DNAH10: variants seen among roughly 807,000 people sequenced by gnomAD.
The protein encoded by DNAH10 is axonemal beta dynein heavy chain 10.
In DNAH10, 348 loss-of-function variants were observed where a neutral mutation model predicts 506.6. The ratio of observed to expected loss-of-function variants is 0.69; its 90% CI spans 0.63 to 0.75. DNAH10 has a LOEUF of 0.75. DNAH10 is among the 30% of genes least tolerant of loss of function. The pLI is 0.00. For synonymous variants in DNAH10, 2,059 were observed against 2,198.6 expected, an observed-to-expected ratio of 0.94 and a Z score of 1.78; for missense variants, 5,179 against 5,787.1, an observed-to-expected ratio of 0.89 and a Z score of 3.41.
chr12:123,844,066 G>A (rs550395724), intron 30 of DNAH10, among the ~76,000 whole-genome samples: 1 of 152,296 alleles, frequency 6.6e-6, no homozygotes, highest in East Asian at 1.9e-4. Context: ...CATGGCTGGG[G>A]AGGCCTCAGG....
At chr12:123,772,767 A>C (rs1268944826) in intron 3 of DNAH10, 67 bp from the exon 4 acceptor site, 7 of 1,209,214 alleles carry the variant, frequency 5.8e-6, no homozygotes, top group Non-Finnish European at 8.3e-6. Context: ...GGTGTACTTG[A>C]ATATTAGGTT....
intron 47 of DNAH10, among the ~76,000 whole-genome samples, chr12:123,877,101 C>T (rs1400916263): frequency 6.6e-6 from 1 of 152,156 alleles, no homozygotes; most frequent in African/African-American, 2.4e-5. Context: ...GGAAGGAAAC[C>T]CACACACATT....
intron 65 of DNAH10, among the ~76,000 whole-genome samples, chr12:123,922,448 C>A (rs1050692699): frequency 2.0e-5 from 3 of 152,102 alleles, no homozygotes; most frequent in African/African-American, 7.2e-5. Flanking sequence ...GTAGAGTGAC[C>A]TTTAGGAAGC....
rs141670372 is a variant in DNAH10, at chr12:123,832,077, A to G, written c.4546-1037A>G. On this transcript the variant is annotated intron_variant, in intron 26 of 78. Coordinates refer to ENST00000673944, the MANE Select transcript of DNAH10 (RefSeq NM_001372106.1). ...ATGCATGTAGACACATATGCATGCA[A>G]ACACACAAAATATACATACAGTGTG... 6.4e-4 allele frequency among the ~76,000 whole-genome samples: 97 copies of G among 152,298 alleles called. 1 individual carries two copies. Among genetic ancestry groups the G allele is most frequent in the African/African-American group, 1.6e-3 (67 of 41,542 alleles).
In DNAH10 at chr12:123,909,590, G is replaced by A. The variant is rs1470870200; in HGVS notation, c.9997+148G>A. The A allele has an allele frequency of 3.7e-6, 4 of 1,086,664 alleles. No homozygotes were observed. Among genetic ancestry groups the A allele is most frequent in the African/African-American group, 1.6e-5 (1 of 62,372 alleles). The allele number at this position is 1,086,664 out of a possible 1,614,324, so 67.3% of individuals were successfully genotyped here. A position where few individuals can be genotyped will look rare whatever the true frequency, so the allele number is the denominator to read the frequency against. On this transcript the variant is annotated intron_variant, in intron 58 of 78. Transcript: ENST00000673944. The surrounding 1 kb of genome is among the most constrained non-coding windows in gnomAD (Gnocchi z 5.4). The stretch of plus-strand genomic sequence containing the variant: ...TATCGGATGGAACAGGCAACTGATG[G>A]TCACCAGAGGAAAACAGCAGCCCCA...
At chr12:123,867,215 C>T (rs558708080) in intron 41 of DNAH10, among the ~76,000 whole-genome samples, 42 of 152,254 alleles carry the variant, frequency 2.8e-4, no homozygotes, top group African/African-American at 9.4e-4. Context: ...GTTATCTTCC[C>T]TTTTTCTTCC....
At position 123,898,757 on chromosome 12, in the gene DNAH10, G is replaced by A. The variant is rs1240032050; in HGVS notation, c.9583G>A (p.Glu3195Lys). 1.2e-6 allele frequency: 2 copies of A among 1,612,388 alleles called. No individual in the cohort carries two copies. The change falls in exon 56 of 79, where the codon GAG (glutamate) becomes AAG (lysine). Residue 3195 changes from glutamate to lysine, a missense_variant. Glu to Lys is a moderately conservative substitution (Grantham distance 56). This residue lies in a region of DNAH10 where 4,844 missense variants were observed against 5,430.5 expected (regional missense o/e 0.89). Coordinates refer to ENST00000673944, the MANE Select transcript of DNAH10 (RefSeq NM_001372106.1). ...KLAEQKIVLA[E>K]KSAACEALLE... ...GGCCGAGCAGAAGATCGTGCTGGCGGAGAAGTCCGCCGCCTGCGAGGCCTT... is the reference window on the plus strand; with the variant it reads ...GGCCGAGCAGAAGATCGTGCTGGCGAAGAAGTCCGCCGCCTGCGAGGCCTT...
intron 30 of DNAH10, 137 bp downstream of exon 30, chr12:123,841,682 T>C (rs1366284380): frequency 1.6e-5 from 12 of 733,680 alleles, no homozygotes; most frequent in South Asian, 7.6e-5. Flanking sequence ...AGTGGACAGA[T>C]AGATGTCTTT....
rs1409661645 is a variant in DNAH10, at chr12:123,926,610, G to A, written c.11922-27G>A. 1 of 1,605,982 alleles carries A rather than the reference G, an allele frequency of 6.2e-7. No homozygotes were observed. Among genetic ancestry groups the A allele is most frequent in the Non-Finnish European group, 8.5e-7 (1 of 1,175,476 alleles). On this transcript the variant is annotated intron_variant, in intron 68 of 78. Coordinates refer to ENST00000673944, the MANE Select transcript of DNAH10 (RefSeq NM_001372106.1). This position sits in a 1 kb window ranked among gnomAD's most constrained non-coding sequence, Gnocchi z 4.1. ...GGTCTGGAGCTGTCCTCGCGGGAGA[G>A]TTTTCTGACTGTGTTTCTTTCACCA...
chr12:123,902,850 C>A lies in DNAH10; in HGVS notation c.9641-89C>A. The A allele has an allele frequency of 6.9e-7, 1 of 1,448,610 alleles. No individual in the cohort carries two copies. The highest frequency in any genetic ancestry group is 9.2e-7 in the Non-Finnish European group (1 of 1,089,792). 89.7% of individuals were successfully genotyped at this position (1,448,610 alleles called of 1,614,324 possible). A position where few individuals can be genotyped will look rare whatever the true frequency, so the allele number is the denominator to read the frequency against. On this transcript the variant is annotated intron_variant, in intron 56 of 78. Coordinates refer to ENST00000673944, the MANE Select transcript of DNAH10 (RefSeq NM_001372106.1). This position sits in a 1 kb window ranked among gnomAD's most constrained non-coding sequence, Gnocchi z 4.5. Reference sequence around the variant, plus strand: ...GATCCCCGCTAGGGCTCAAGCCAACCTTTGAGGACTGCACTCTGCTCAGAG... The same window carrying A: ...GATCCCCGCTAGGGCTCAAGCCAACATTTGAGGACTGCACTCTGCTCAGAG...
At chr12:123,820,822 C>A in intron 24 of DNAH10, 64 bp downstream of exon 24, 1 of 1,552,116 alleles carries the variant, frequency 6.4e-7, no homozygotes, top group South Asian at 1.2e-5. Flanking sequence ...ATTACTTAAG[C>A]CCTGCAGACT....
intron 54 of DNAH10, among the ~76,000 whole-genome samples, chr12:123,896,804 T>G (rs1339203584): frequency 2.6e-5 from 4 of 152,290 alleles, no homozygotes; most frequent in Non-Finnish European, 4.4e-5. Context: ...CATTCTTTTC[T>G]TGTCCTATTA....
At chr12:123,793,602 T>A (rs1388233482) in intron 11 of DNAH10, among the ~76,000 whole-genome samples, 1 of 152,208 alleles carries the variant, frequency 6.6e-6, no homozygotes, top group East Asian at 1.9e-4. Context: ...CCTCCCAAAG[T>A]ACTGGGATTA....
intron 46 of DNAH10, 22 bp downstream of exon 46, chr12:123,873,732 T>A: frequency 1.9e-6 from 3 of 1,591,104 alleles, no homozygotes; most frequent in Non-Finnish European, 2.6e-6. Flanking sequence ...CTCAAGCAGG[T>A]GGAGGGATGG....
chr12:123,766,947 C>T (rs1467937371), intron 1 of DNAH10, among the ~76,000 whole-genome samples: 5 of 150,172 alleles, frequency 3.3e-5, no homozygotes, highest in African/African-American at 1.2e-4. Context: ...ACTTTGTCTC[C>T]CAGGCTGGAG....
In DNAH10 at chr12:123,801,397, G is replaced by A. The variant is rs1449271291; in HGVS notation, c.2579G>A (p.Arg860Lys). 3.7e-6 allele frequency: 6 copies of A among 1,614,052 alleles called. No homozygotes were observed. Among genetic ancestry groups the A allele is most frequent in the Non-Finnish European group, 5.1e-6 (6 of 1,180,038 alleles). ...TCCCAGGAACTGCTCCGAGTGTTTA[G>A]GTCGGGATATAAGAGGTTGAACTGG... Reference protein sequence around the residue: ...DHSQELLRVFRSGYKRLNWNS... With the variant: ...DHSQELLRVFKSGYKRLNWNS... The change falls in exon 16 of 79, where the codon AGG becomes AAG. Residue 860 changes from arginine to lysine, a missense_variant. By Grantham distance (26) the Arg-to-Lys change is conservative. Coordinates refer to ENST00000673944, the MANE Select transcript of DNAH10 (RefSeq NM_001372106.1).
intron 51 of DNAH10, among the ~76,000 whole-genome samples, chr12:123,883,390 C>T (rs1952594582): frequency 6.6e-6 from 1 of 152,236 alleles, no homozygotes; most frequent in South Asian, 2.1e-4. Flanking sequence ...GCAGGTTCCA[C>T]AGGTAACTCA....
chr12:123,772,993 G>A, intron 4 of DNAH10, 51 bp downstream of exon 4: 2 of 1,251,586 alleles, frequency 1.6e-6, no homozygotes, highest in Non-Finnish European at 2.3e-6. Flanking sequence ...GTGTGGTTGT[G>A]CATGCACTTG....
intron 8 of DNAH10, among the ~76,000 whole-genome samples, chr12:123,784,851 GTC>G (rs2136036331): frequency 1.3e-5 from 2 of 152,342 alleles, no homozygotes; most frequent in South Asian, 4.1e-4. Context: ...CCTGTGTGCA[GTC>G]TCTTTCACTC....
Sources: gnomAD v4.1 joint callset for allele counts (sites outside exome capture counted in the v4.1 genomes callset) on GRCh38, gnomAD v4.1.1 for gene constraint, gnomAD v4.1.1 regional missense constraint, Gnocchi (gnomAD v3.1) non-coding constraint, MANE v1.5 for transcripts, NCBI Gene and HGNC (gene_info 2026-07-23, HGNC 2026-07-21) for gene names.